The following FHIP1A variants were observed in gnomAD, a reference collection of about 807,000 sequenced individuals.
FHIP1A encodes FHF complex subunit HOOK-interacting protein 1A.
In FHIP1A, 61 loss-of-function variants were observed where a neutral mutation model predicts 88.6. The observed-to-expected ratio is 0.69, with a 90% CI of 0.56 to 0.85. The LOEUF is 0.85. Among genes scored for constraint, FHIP1A ranks in the 40% least tolerant of loss-of-function variants. The pLI, the probability that FHIP1A is intolerant of heterozygous loss-of-function variation, is 0.00. For synonymous variants in FHIP1A, 478 were observed against 496.0 expected, an observed-to-expected ratio of 0.96 and a Z score of 0.48; for missense variants, 1,154 against 1,273.5, an observed-to-expected ratio of 0.91 and a Z score of 1.43.
At chr4:151,552,640 A>G (rs1332559681) in intron 3 of FHIP1A, among the ~76,000 whole-genome samples, 2 of 152,088 alleles carry the variant, frequency 1.3e-5, no homozygotes, top group African/African-American at 2.4e-5. Flanking sequence ...ACACTTGGAC[A>G]CAGGGTGGGG....
intron 1 of FHIP1A, among the ~76,000 whole-genome samples, chr4:151,414,693 T>G (rs1406096564): frequency 3.3e-5 from 5 of 152,098 alleles, no homozygotes; most frequent in African/African-American, 1.2e-4. Context: ...GTTCTGAGAG[T>G]GAGGATACTA....
chr4:151,494,148 T>G (rs1730379915), intron 3 of FHIP1A, among the ~76,000 whole-genome samples: 1 of 152,210 alleles, frequency 6.6e-6, no homozygotes, highest in South Asian at 2.1e-4. Context: ...TTTGCAAATA[T>G]TTTCTTCCAT....
rs377025824 is a variant in FHIP1A, at chr4:151,414,530, G to A, written c.-356+5065G>A. Reference sequence around the variant, plus strand: ...CTTTTACTTAGAAGTAGAGATGTGCGGTTTGTCTGCAATGTTTAGAAGCTG... The same window carrying A: ...CTTTTACTTAGAAGTAGAGATGTGCAGTTTGTCTGCAATGTTTAGAAGCTG... On this transcript the variant is annotated intron_variant, in intron 1 of 13. Transcript: ENST00000435205. 5.9e-5 allele frequency among the ~76,000 whole-genome samples: 9 copies of A among 152,250 alleles called. No individual in the cohort carries two copies. In the South Asian group the frequency reaches 1.9e-3, roughly 32 times the overall value.
chr4:151,459,199 G>A (rs542251572), intron 2 of FHIP1A, among the ~76,000 whole-genome samples: 1 of 151,670 alleles, frequency 6.6e-6, no homozygotes, highest in Non-Finnish European at 1.5e-5. Context: ...ATACACACAC[G>A]TGCACAAAAA....
chr4:151,586,415 G>A (rs1169546340), intron 5 of FHIP1A, among the ~76,000 whole-genome samples: 1 of 152,154 alleles, frequency 6.6e-6, no homozygotes, highest in Admixed American at 6.5e-5. Context: ...GTGTATATTA[G>A]CCAGATAGTT....
At chr4:151,416,075 C>G (rs1732881188) in intron 1 of FHIP1A, among the ~76,000 whole-genome samples, 1 of 152,012 alleles carries the variant, frequency 6.6e-6, no homozygotes, top group Admixed American at 6.6e-5. Context: ...TAAAGTTTAC[C>G]TCTGTTGAAA....
intron 3 of FHIP1A, among the ~76,000 whole-genome samples, chr4:151,542,748 G>T (rs1420008019): frequency 6.6e-6 from 1 of 152,166 alleles, no homozygotes; most frequent in Non-Finnish European, 1.5e-5. Flanking sequence ...TTCCCTGGGG[G>T]AAATAAGCTT....
intron 3 of FHIP1A, among the ~76,000 whole-genome samples, chr4:151,505,047 T>A (rs1459521003): frequency 6.6e-6 from 1 of 152,160 alleles, no homozygotes; most frequent in Non-Finnish European, 1.5e-5. Flanking sequence ...TGCTTCCCTT[T>A]CTTCTACTGT....
intron 8 of FHIP1A, among the ~76,000 whole-genome samples, 178 bp downstream of exon 8, chr4:151,630,047 A>G (rs981497230): frequency 6.6e-6 from 1 of 152,028 alleles, no homozygotes; most frequent in African/African-American, 2.4e-5. Context: ...GATGAATGGA[A>G]TAATGCGTTT....
chr4:151,465,366 T>C (rs1729273762), intron 2 of FHIP1A, among the ~76,000 whole-genome samples: 1 of 152,160 alleles, frequency 6.6e-6, no homozygotes, highest in East Asian at 1.9e-4. Flanking sequence ...ATTCTGAAAT[T>C]GAGGCAGTAA....
In FHIP1A at chr4:151,646,775, A is replaced by G. The variant is rs554294294; in HGVS notation, c.1417+27A>G. On this transcript the variant is annotated intron_variant, in intron 10 of 13. Transcript: ENST00000435205. ...TAGGAACTCGCTAGTGATGATCTTT[A>G]AACAAAAGGATGCCAGTTCCATCTC... The G allele has an allele frequency of 1.1e-5, 16 of 1,480,046 alleles. No homozygotes were observed. In the African/African-American group the frequency reaches 2.1e-4, roughly 19 times the overall value. The allele number at this position is 1,480,046 out of a possible 1,614,324, so 91.7% of individuals were successfully genotyped here.
intron 2 of FHIP1A, among the ~76,000 whole-genome samples, chr4:151,472,998 C>T (rs770446600): frequency 6.6e-6 from 1 of 152,120 alleles, no homozygotes; most frequent in Non-Finnish European, 1.5e-5. Flanking sequence ...TTTCACCTTT[C>T]TCCCTTCCAA....
At chr4:151,427,034 G>A (rs925650275) in intron 1 of FHIP1A, among the ~76,000 whole-genome samples, 5 of 152,010 alleles carry the variant, frequency 3.3e-5, no homozygotes, top group Non-Finnish European at 7.4e-5. Context: ...CCCAATTCAT[G>A]CTTCAGCATA....
At chr4:151,579,502 G>A (rs1020037354) in intron 5 of FHIP1A, among the ~76,000 whole-genome samples, 2 of 152,172 alleles carry the variant, frequency 1.3e-5, no homozygotes, top group Non-Finnish European at 2.9e-5. Context: ...ATTCAATTGT[G>A]TAATTCTGCT....
chr4:151,582,960 T>A (rs971881473), intron 5 of FHIP1A, among the ~76,000 whole-genome samples: 2 of 152,238 alleles, frequency 1.3e-5, no homozygotes, highest in Non-Finnish European at 2.9e-5. Flanking sequence ...TGTTGGAATC[T>A]TTCTTTTTCC....
chr4:151,611,017 A>C (rs998265730), intron 7 of FHIP1A, among the ~76,000 whole-genome samples: 1 of 152,174 alleles, frequency 6.6e-6, no homozygotes, highest in African/African-American at 2.4e-5. Flanking sequence ...GTATTATGAC[A>C]TCTCTTGAAT....
intron 8 of FHIP1A, among the ~76,000 whole-genome samples, chr4:151,638,315 T>TTGTGTGTGTGTGTGTG (rs146664249): frequency 0.058 from 8,403 of 143,670 alleles, 364 homozygotes; most frequent in Non-Finnish European, 0.087. Context: ...AAATAGGAGA[T>TTGTGTGTGTGTGTGTG]TGTGTGTGTG....
At chr4:151,422,959 A>G (rs991186317) in intron 1 of FHIP1A, among the ~76,000 whole-genome samples, 14 of 152,162 alleles carry the variant, frequency 9.2e-5, no homozygotes, top group Non-Finnish European at 7.4e-5. Flanking sequence ...TGAAGAGGGA[A>G]TCATTTTCTT....
intron 3 of FHIP1A, among the ~76,000 whole-genome samples, chr4:151,483,436 C>A (rs1328447777): frequency 3.3e-5 from 5 of 152,052 alleles, no homozygotes; most frequent in Non-Finnish European, 7.4e-5. Context: ...ATGGTAGGGG[C>A]AGGACTTGGG....
Sources: allele counts gnomAD v4.1 joint callset (sites outside exome capture counted in the v4.1 genomes callset), GRCh38; gene constraint gnomAD v4.1.1; transcripts MANE v1.5; gene names NCBI Gene and HGNC (gene_info 2026-07-23, HGNC 2026-07-21).